Variants in TENM3 observed in about 807,000 individuals in gnomAD.
TENM3 encodes the protein teneurin transmembrane protein 3.
A neutral mutation model predicts 255.1 loss-of-function variants in TENM3; 63 were observed. The observed-to-expected ratio is 0.25, with a 90% CI of 0.20 to 0.30. TENM3 has a LOEUF of 0.30. TENM3 is among the 10% of genes least tolerant of loss of function. TENM3 has a pLI of 1.00. For synonymous variants in TENM3, 1,306 were observed against 1,322.3 expected, an observed-to-expected ratio of 0.99 and a Z score of 0.27; for missense variants, 2,929 against 3,461.1, an observed-to-expected ratio of 0.85 and a Z score of 3.86.
intron 3 of TENM3, among the ~76,000 whole-genome samples, chr4:182,503,126 G>T (rs1193964278): frequency 6.6e-6 from 1 of 151,996 alleles, no homozygotes; most frequent in Non-Finnish European, 1.5e-5. Flanking sequence ...CTTCCAGTAA[G>T]TCCCCAAATC....
chr4:182,401,489 T>C (rs1159877646), intron 3 of TENM3, among the ~76,000 whole-genome samples: 1 of 152,262 alleles, frequency 6.6e-6, no homozygotes, highest in Non-Finnish European at 1.5e-5. Flanking sequence ...TAAATGACTT[T>C]TGATATAAGG....
intron 19 of TENM3, among the ~76,000 whole-genome samples, chr4:182,747,269 G>A (rs1010903153): frequency 4.6e-5 from 7 of 151,898 alleles, no homozygotes; most frequent in South Asian, 2.1e-4. Flanking sequence ...GACTAATGGG[G>A]GAATAATAAA....
intron 1 of TENM3, among the ~76,000 whole-genome samples, chr4:182,226,641 T>C (rs1445778550): frequency 6.6e-6 from 1 of 152,178 alleles, no homozygotes; most frequent in Non-Finnish European, 1.5e-5. Context: ...CTCCAGCCTT[T>C]TCTATGGAGC....
chr4:182,023,588 A>G, the TENM3 span, among the ~76,000 whole-genome samples: 1 of 152,204 alleles, frequency 6.6e-6, no homozygotes, highest in African/African-American at 2.4e-5. Flanking sequence ...AGTGAGCTGA[A>G]GTGTACGCCA....
chr4:182,017,763 G>A, the TENM3 span, among the ~76,000 whole-genome samples: 28 of 152,156 alleles, frequency 1.8e-4, no homozygotes, highest in East Asian at 3.9e-4. Flanking sequence ...AGTATTGATC[G>A]GCATAACAGG....
At chr4:182,621,141 A>G (rs769019382) in intron 4 of TENM3, among the ~76,000 whole-genome samples, 3 of 151,742 alleles carry the variant, frequency 2.0e-5, no homozygotes, top group South Asian at 4.2e-4. Context: ...AGGTCGCACC[A>G]CTGCACTCCA....
chr4:182,175,514 C>T (rs911203092), intron 1 of TENM3, among the ~76,000 whole-genome samples: 1 of 151,952 alleles, frequency 6.6e-6, no homozygotes, highest in Non-Finnish European at 1.5e-5. Flanking sequence ...CCCATAGGAG[C>T]GTGGCCTACT....
chr4:182,135,352 T>C, the TENM3 span, among the ~76,000 whole-genome samples: 1 of 152,120 alleles, frequency 6.6e-6, no homozygotes, highest in Non-Finnish European at 1.5e-5. Context: ...GTTTCTGGTG[T>C]CATCTTTAAG....
intron 3 of TENM3, among the ~76,000 whole-genome samples, chr4:182,444,412 A>T (rs1042039610): frequency 3.9e-5 from 6 of 152,144 alleles, no homozygotes; most frequent in African/African-American, 1.4e-4. Flanking sequence ...AATTTCTTTG[A>T]TATGCTTTTA....
At chr4:182,608,781 C>A (rs1307932197) in intron 4 of TENM3, among the ~76,000 whole-genome samples, 1 of 152,146 alleles carries the variant, frequency 6.6e-6, no homozygotes, top group Non-Finnish European at 1.5e-5. Flanking sequence ...CCAAGCCAGG[C>A]CACAGGCGGT....
At chr4:182,431,809 G>A (rs1245933333) in intron 3 of TENM3, among the ~76,000 whole-genome samples, 1 of 152,116 alleles carries the variant, frequency 6.6e-6, no homozygotes, top group Non-Finnish European at 1.5e-5. Flanking sequence ...GGGCATAGTG[G>A]TTTACACCTG....
chr4:182,692,993 C>T (rs1219673347), intron 12 of TENM3, among the ~76,000 whole-genome samples: 1 of 152,106 alleles, frequency 6.6e-6, no homozygotes, highest in East Asian at 1.9e-4. Context: ...TGGAAAACTA[C>T]TAGATTTAAA....
chr4:182,078,716 A>G, the TENM3 span, among the ~76,000 whole-genome samples: 1 of 152,160 alleles, frequency 6.6e-6, no homozygotes, highest in African/African-American at 2.4e-5. Context: ...CAAGTAATAG[A>G]GCAGTGTGGC....
chr4:182,199,428 C>CA (rs1056569471), intron 1 of TENM3, among the ~76,000 whole-genome samples: 26 of 151,538 alleles, frequency 1.7e-4, no homozygotes, highest in South Asian at 8.3e-4. Context: ...TCTCAAAAAA[C>CA]AAAAAAAAGA....
intron 1 of TENM3, among the ~76,000 whole-genome samples, chr4:182,191,131 T>G (rs770896876): frequency 1.3e-5 from 2 of 152,212 alleles, no homozygotes; most frequent in African/African-American, 2.4e-5. Flanking sequence ...ATTATTAAAC[T>G]TGGGTGATAA....
the TENM3 span, among the ~76,000 whole-genome samples, chr4:182,100,475 A>C: frequency 6.9e-6 from 1 of 145,038 alleles, no homozygotes; most frequent in Non-Finnish European, 1.5e-5. Context: ...ATACACACAC[A>C]CACACACATA....
At chr4:181,747,929 C>T in the TENM3 span, among the ~76,000 whole-genome samples, 1 of 151,834 alleles carries the variant, frequency 6.6e-6, no homozygotes, top group African/African-American at 2.4e-5. Flanking sequence ...CACCAAATTT[C>T]TATTTGCATT....
At chr4:182,780,141 C>T (rs1765051211) in intron 24 of TENM3, among the ~76,000 whole-genome samples, 2 of 152,102 alleles carry the variant, frequency 1.3e-5, no homozygotes, top group Non-Finnish European at 1.5e-5. Flanking sequence ...ATGCCTATGT[C>T]CTGAATGGTG....
At chr4:181,907,882 C>T in the TENM3 span, among the ~76,000 whole-genome samples, 1 of 152,148 alleles carries the variant, frequency 6.6e-6, no homozygotes, top group African/African-American at 2.4e-5. Flanking sequence ...ATGCATAAGA[C>T]ACTCCATGCA....
Sources: gnomAD v4.1 joint callset for allele counts (sites outside exome capture counted in the v4.1 genomes callset) on GRCh38, gnomAD v4.1.1 for gene constraint, MANE v1.5 for transcripts, NCBI Gene and HGNC (gene_info 2026-07-23, HGNC 2026-07-21) for gene names.